ARHGAP6: variants seen among roughly 807,000 people sequenced by gnomAD.
The protein encoded by ARHGAP6 is rho GTPase-activating protein 6.
In ARHGAP6, 16 loss-of-function variants were observed where a neutral mutation model predicts 55.7. The observed-to-expected ratio is 0.29, with a 90% CI of 0.19 to 0.44. The LOEUF (loss-of-function observed/expected upper bound fraction) is 0.44. Ranked by LOEUF, ARHGAP6 falls within the 20% of genes least tolerant of loss-of-function variation. The probability of loss-of-function intolerance (pLI) is 1.00; values close to 1 mark genes in which losing one functional copy is unlikely to be tolerated. For missense variants in ARHGAP6, 698 were observed against 808.9 expected (o/e 0.86, Z 1.66); for synonymous variants, 382 against 360.9 (o/e 1.06, Z -0.66).
At chrX:11,409,852 A>C (rs1309713482) in intron 1 of ARHGAP6, among the ~76,000 whole-genome samples, 1 of 112,134 alleles carries the variant, frequency 8.9e-6, no homozygotes, top group Non-Finnish European at 1.9e-5. Context: ...ACATGCCCAT[A>C]CTCCCAGATG....
At chrX:11,421,880 G>A (rs1021271300) in intron 1 of ARHGAP6, among the ~76,000 whole-genome samples, 18 of 111,774 alleles carry the variant, frequency 1.6e-4, no homozygotes, top group Non-Finnish European at 2.4e-4. Context: ...TTTTAGTCTC[G>A]TCTCTCCCTC....
chrX:11,569,088 T>C (rs1284545059), intron 1 of ARHGAP6, among the ~76,000 whole-genome samples: 2 of 111,637 alleles, frequency 1.8e-5, no homozygotes, highest in Admixed American at 9.6e-5. Context: ...GAAGGACTAG[T>C]AGAGCAGAAG....
At chrX:11,585,402 A>G (rs956171823) in intron 1 of ARHGAP6, among the ~76,000 whole-genome samples, 9 of 112,503 alleles carry the variant, frequency 8.0e-5, no homozygotes, top group Non-Finnish European at 1.3e-4. Context: ...CCAGCAGTGT[A>G]TAAGTGTTTC....
intron 1 of ARHGAP6, among the ~76,000 whole-genome samples, chrX:11,385,201 G>A (rs951978420): frequency 3.6e-5 from 4 of 111,204 alleles, no homozygotes; most frequent in Non-Finnish European, 7.5e-5. Flanking sequence ...TAAATTTGAA[G>A]TCACATTCTC....
At chrX:11,413,146 T>C (rs772507669) in intron 1 of ARHGAP6, among the ~76,000 whole-genome samples, 1 of 112,409 alleles carries the variant, frequency 8.9e-6, no homozygotes, top group East Asian at 2.8e-4. Flanking sequence ...TACTCGTTGC[T>C]TCAAAACCAA....
intron 1 of ARHGAP6, among the ~76,000 whole-genome samples, chrX:11,605,864 G>T (rs2052030348): frequency 9.1e-6 from 1 of 109,551 alleles, no homozygotes; most frequent in African/African-American, 3.3e-5. Flanking sequence ...TGGGTAGAAA[G>T]GTGAACTGAA....
intron 1 of ARHGAP6, among the ~76,000 whole-genome samples, chrX:11,488,540 G>C (rs111789846): frequency 0.081 from 8,888 of 109,967 alleles, 384 homozygotes; most frequent in East Asian, 0.18. Flanking sequence ...CTATACCAAG[G>C]GTACCCAACT....
intron 1 of ARHGAP6, among the ~76,000 whole-genome samples, chrX:11,311,905 G>A (rs372824990): frequency 9.0e-6 from 1 of 111,222 alleles, no homozygotes; most frequent in Non-Finnish European, 1.9e-5. Flanking sequence ...TACATTCAGC[G>A]ACTCTGAAAA....
At chrX:11,267,965 G>A (rs1284249313) in intron 1 of ARHGAP6, among the ~76,000 whole-genome samples, 1 of 112,240 alleles carries the variant, frequency 8.9e-6, no homozygotes, top group Non-Finnish European at 1.9e-5. Context: ...CAACTAAAAG[G>A]TTCCATCTGT....
chrX:11,172,339 GT>G (rs758007101), intron 8 of ARHGAP6, among the ~76,000 whole-genome samples: 1 of 111,646 alleles, frequency 9.0e-6, no homozygotes, highest in African/African-American at 3.3e-5. Flanking sequence ...TCATTGGTAA[GT>G]TTTTTATTTC....
chrX:11,492,812 T>C (rs746881951), intron 1 of ARHGAP6, among the ~76,000 whole-genome samples: 1 of 112,433 alleles, frequency 8.9e-6, no homozygotes, highest in Non-Finnish European at 1.9e-5. Context: ...GCTTGGCATA[T>C]GGCCTCCCAG....
At chrX:11,355,291 G>A (rs1004238856) in intron 1 of ARHGAP6, among the ~76,000 whole-genome samples, 5 of 112,355 alleles carry the variant, frequency 4.5e-5, no homozygotes, top group Admixed American at 9.4e-5. Context: ...TGGAGGATAC[G>A]CCTTTGAAAG....
At chrX:11,448,303 G>A (rs1188400831) in intron 1 of ARHGAP6, among the ~76,000 whole-genome samples, 1 of 111,982 alleles carries the variant, frequency 8.9e-6, no homozygotes. Flanking sequence ...GTCAGCTGCA[G>A]AAACCCTTCT....
At chrX:11,431,571 C>T (rs139949129) in intron 1 of ARHGAP6, among the ~76,000 whole-genome samples, 9,270 of 111,224 alleles carry the variant, frequency 0.083, 426 homozygotes, top group East Asian at 0.18. Flanking sequence ...TTCTTGAAGG[C>T]CCAGCCCCAC....
intron 1 of ARHGAP6, among the ~76,000 whole-genome samples, chrX:11,435,572 C>T (rs1156262579): frequency 1.8e-5 from 2 of 111,828 alleles, no homozygotes; most frequent in African/African-American, 3.3e-5. Flanking sequence ...CAGCACCACA[C>T]CATTGACATT....
intron 2 of ARHGAP6, among the ~76,000 whole-genome samples, chrX:11,217,128 G>T (rs2147404807): frequency 8.9e-6 from 1 of 112,129 alleles, no homozygotes; most frequent in Non-Finnish European, 1.9e-5. Flanking sequence ...ATGGGCATTT[G>T]GGTTGGTTGC....
chrX:11,597,867 G>A (rs2051920380), intron 1 of ARHGAP6, among the ~76,000 whole-genome samples: 1 of 112,214 alleles, frequency 8.9e-6, no homozygotes, highest in South Asian at 3.7e-4. Context: ...AAGTAGAGAA[G>A]TGAATTCAGA....
intron 1 of ARHGAP6, among the ~76,000 whole-genome samples, chrX:11,608,995 CT>C (rs2147150959): frequency 8.9e-6 from 1 of 111,803 alleles, no homozygotes; most frequent in African/African-American, 3.3e-5. Flanking sequence ...TCCGTCATAA[CT>C]AAAAAAGCAA....
At chrX:11,317,377 C>T (rs1311419103) in intron 1 of ARHGAP6, among the ~76,000 whole-genome samples, 2 of 111,836 alleles carry the variant, frequency 1.8e-5, no homozygotes, top group Admixed American at 1.9e-4. Context: ...CCAGATGTCT[C>T]CTGGGGTGGT....
Sources: allele counts gnomAD v4.1 joint callset (sites outside exome capture counted in the v4.1 genomes callset), GRCh38; gene constraint gnomAD v4.1.1; transcripts MANE v1.5; gene names NCBI Gene and HGNC (gene_info 2026-07-23, HGNC 2026-07-21).